Variants in DISP3 observed in about 807,000 individuals in gnomAD.
The protein encoded by DISP3 is protein dispatched homolog 3.
DISP3 carries 101 observed loss-of-function variants against 135.3 expected under a neutral mutation model. That is an observed-to-expected ratio of 0.75 (90% CI 0.64 to 0.88). The LOEUF is 0.88. DISP3 is among the 40% of genes least tolerant of loss of function. The pLI is 0.00. For synonymous variants in DISP3, 856 were observed against 817.0 expected (o/e 1.05, Z -0.81); for missense variants, 1,713 against 1,878.6 (o/e 0.91, Z 1.63).
At position 11,536,426 on chromosome 1, in the gene DISP3, CTCT is replaced by C. The variant is rs1482094319; in HGVS notation, c.3926_3928del (p.Phe1309del). On this transcript the variant is annotated inframe_deletion, in exon 21 of 21. Coordinates refer to ENST00000294484, the MANE Select transcript of DISP3 (RefSeq NM_020780.2). The surrounding 1 kb of genome is among the most constrained non-coding windows in gnomAD (Gnocchi z 4.3). ...CACCACGGTCATCGCCACAGTGCCC[CTCT>C]TCTTCTGCATCATCGCCCCATTTGC... 18 of 1,613,236 alleles carry C rather than the reference CTCT, an allele frequency of 1.1e-5. No homozygotes were observed. The highest frequency in any genetic ancestry group is 4.4e-5 in the South Asian group (4 of 91,096).
chr1:11,496,484 T>C (rs559233815), intron 1 of DISP3, among the ~76,000 whole-genome samples: 116 of 152,260 alleles, frequency 7.6e-4, no homozygotes, highest in African/African-American at 2.6e-3. Flanking sequence ...TCCACCCCCA[T>C]GGCCACAGTC....
chr1:11,517,652 C>G, intron 7 of DISP3, 50 bp downstream of exon 7: 1 of 1,598,696 alleles, frequency 6.3e-7, no homozygotes, highest in Non-Finnish European at 8.5e-7. Context: ...CAACAGGCCT[C>G]TATGAGCCAC....
At chr1:11,535,951 G>A (rs1384733726) in intron 20 of DISP3, among the ~76,000 whole-genome samples, 3 of 152,058 alleles carry the variant, frequency 2.0e-5, no homozygotes, top group Non-Finnish European at 4.4e-5. Context: ...TTCCAGCCAC[G>A]ACCCAGAGGC....
At chr1:11,525,604 G>A (rs1299708661) in intron 12 of DISP3, among the ~76,000 whole-genome samples, 1 of 152,218 alleles carries the variant, frequency 6.6e-6, no homozygotes, top group Non-Finnish European at 1.5e-5. Context: ...CTGTGACATG[G>A]GGATGCAACA....
In DISP3 at chr1:11,536,026, G is replaced by A. The variant is rs1032733172; in HGVS notation, c.3817-298G>A. On this transcript the variant is annotated intron_variant, in intron 20 of 20. Coordinates refer to ENST00000294484, the MANE Select transcript of DISP3 (RefSeq NM_020780.2). The surrounding 1 kb of genome is among the most constrained non-coding windows in gnomAD (Gnocchi z 4.3). ...TGTTCACATACTCAGTGCCAAAACC[G>A]GCTCTGGGCCTAGTAACGATTTTTT... Among the ~76,000 whole-genome samples the A allele has an allele frequency of 3.3e-5, 5 of 152,220 alleles. No homozygotes were observed. The highest frequency in any genetic ancestry group is 2.1e-4 in the South Asian group (1 of 4,832).
At chr1:11,525,133 C>T (rs776512155) in intron 11 of DISP3, 43 bp from the exon 12 acceptor site, 43 of 1,605,172 alleles carry the variant, frequency 2.7e-5, no homozygotes, top group Middle Eastern at 1.7e-4. Context: ...AGAAGCCAGT[C>T]GAGGTCAAGT....
chr1:11,485,915 G>A (rs1641025435), intron 1 of DISP3, among the ~76,000 whole-genome samples: 1 of 152,148 alleles, frequency 6.6e-6, no homozygotes. Context: ...CCACACTCTG[G>A]CCTTTACTTT....
Position 11,483,040 on chromosome 1 carries a change from C to T in DISP3, c.-4+3668C>T, listed in dbSNP as rs937376963. 2.0e-5 allele frequency among the ~76,000 whole-genome samples: 3 copies of T among 152,258 alleles called. No individual in the cohort carries two copies. The highest frequency in any genetic ancestry group is 4.8e-5 in the African/African-American group (2 of 41,478). Reference sequence around the variant, plus strand: ...AGTCGCATTTCACGGGCAGACAGTGCGGCTCACGCTGCAGCTGCCCAACAA... The same window carrying T: ...AGTCGCATTTCACGGGCAGACAGTGTGGCTCACGCTGCAGCTGCCCAACAA... On this transcript the variant is annotated intron_variant, in intron 1 of 20. Coordinates refer to ENST00000294484, the MANE Select transcript of DISP3 (RefSeq NM_020780.2). The surrounding 1 kb of genome is among the most constrained non-coding windows in gnomAD (Gnocchi z 5.4).
Position 11,501,532 on chromosome 1 carries a change from C to A in DISP3, c.540C>A (p.Leu180=). ...CCCGCGTCATCCCCGCGGCCTCACT[C>A]GGTGGCCCAGGCCCTTACCGGGACA... ...RAPRVIPAAS[L]GGPGPYRDTS... is the part of the protein sequence containing the mutation. The change falls in exon 2 of 21, where the codon CTC becomes CTA. Residue 180 remains leucine, a synonymous_variant. Transcript: ENST00000294484. The surrounding 1 kb of genome is among the most constrained non-coding windows in gnomAD (Gnocchi z 4.9). 1.3e-6 allele frequency: 2 copies of A among 1,599,620 alleles called. No individual in the cohort carries two copies. The highest frequency in any genetic ancestry group is 1.1e-5 in the South Asian group (1 of 89,480).
At chr1:11,506,710 T>C (rs539934038) in intron 3 of DISP3, among the ~76,000 whole-genome samples, 2 of 152,346 alleles carry the variant, frequency 1.3e-5, no homozygotes, top group East Asian at 3.8e-4. Flanking sequence ...TTTTAATATA[T>C]GGATAACCTG....
At chr1:11,535,925 C>G (rs1353361492) in intron 20 of DISP3, among the ~76,000 whole-genome samples, 2 of 152,196 alleles carry the variant, frequency 1.3e-5, no homozygotes, top group Admixed American at 1.3e-4. Context: ...TGCCCCAGGT[C>G]CATGACTCAT....
chr1:11,513,242 C>A (rs1319170629), intron 3 of DISP3, among the ~76,000 whole-genome samples: 1 of 151,982 alleles, frequency 6.6e-6, no homozygotes, highest in Non-Finnish European at 1.5e-5. Flanking sequence ...TATGATCATG[C>A]CATTGCAGTC....
At chr1:11,494,478 C>T (rs1408939899) in intron 1 of DISP3, among the ~76,000 whole-genome samples, 1 of 152,226 alleles carries the variant, frequency 6.6e-6, no homozygotes, top group Non-Finnish European at 1.5e-5. Context: ...ATTCTGATGA[C>T]TGGCACATAG....
Position 11,535,503 on chromosome 1 carries a change from C to A in DISP3, c.3675C>A (p.Ile1225=). The A allele has an allele frequency of 6.2e-7, 1 of 1,612,556 alleles. No individual in the cohort carries two copies. Residue 1225 remains isoleucine (I), a synonymous_variant, in exon 20 of 21, where the codon ATC becomes ATA. Coordinates refer to ENST00000294484, the MANE Select transcript of DISP3 (RefSeq NM_020780.2). ...ILGIVCLVVT[I]MYWSGWEMGA... ...GCATCGTGTGCCTGGTGGTGACCAT[C>A]ATGTACTGGAGCGGCTGGGAGATGG...
intron 1 of DISP3, among the ~76,000 whole-genome samples, chr1:11,480,069 T>A (rs1015707004): frequency 1.1e-4 from 16 of 152,078 alleles, no homozygotes; most frequent in Admixed American, 6.5e-4. Context: ...GGGCGCCAAG[T>A]CCCGGGAGCC....
chr1:11,536,079 A>G lies in DISP3; in HGVS notation c.3817-245A>G, dbSNP rs554247247. Among the ~76,000 whole-genome samples, 4 of 152,212 alleles carry G rather than the reference A, an allele frequency of 2.6e-5. No individual in the cohort carries two copies. The highest frequency in any genetic ancestry group is 5.9e-5 in the Non-Finnish European group (4 of 68,036). The stretch of plus-strand genomic sequence containing the variant: ...TTTAGTTTGGAATTGCGTTGGTGTG[A>G]AAACATTCACAAATGTGTAAAGATC... On this transcript the variant is annotated intron_variant, in intron 20 of 20. Coordinates refer to ENST00000294484, the MANE Select transcript of DISP3 (RefSeq NM_020780.2). The surrounding 1 kb of genome is among the most constrained non-coding windows in gnomAD (Gnocchi z 4.3).
chr1:11,515,604 A>G (rs1462456248), intron 5 of DISP3, 101 bp downstream of exon 5: 2 of 1,470,196 alleles, frequency 1.4e-6, no homozygotes, highest in Non-Finnish European at 1.8e-6. Flanking sequence ...TGGGGGCTCT[A>G]CACAGCGCCT....
chr1:11,496,108 T>C (rs933107130), intron 1 of DISP3, among the ~76,000 whole-genome samples: 7 of 152,046 alleles, frequency 4.6e-5, no homozygotes, highest in Non-Finnish European at 8.8e-5. Context: ...CATATAGATG[T>C]GCGTTTTTTT....
chr1:11,535,575 G>A lies in DISP3; in HGVS notation c.3747G>A (p.Val1249=), dbSNP rs1642688129. ...ISLSILVGSS[V]DYCVHLVEGY... ...TGTCCATCCTCGTTGGCTCCTCCGT[G>A]GATTACTGCGTCCACCTGGTCGAGG... Residue 1249 remains valine, a synonymous_variant, in exon 20 of 21, where the codon GTG becomes GTA. Transcript: ENST00000294484. The A allele has an allele frequency of 1.9e-6, 3 of 1,613,248 alleles. No homozygotes were observed. Among genetic ancestry groups the A allele is most frequent in the African/African-American group, 2.7e-5 (2 of 74,838 alleles).
Sources: allele counts gnomAD v4.1 joint callset (sites outside exome capture counted in the v4.1 genomes callset), GRCh38; gene constraint gnomAD v4.1.1; non-coding constraint Gnocchi (gnomAD v3.1); transcripts MANE v1.5; gene names NCBI Gene and HGNC (gene_info 2026-07-23, HGNC 2026-07-21).